CEP85L: variants seen among roughly 807,000 people sequenced by gnomAD.
CEP85L encodes the protein centrosomal protein 85L, also known as centrosomal protein of 85 kDa-like.
A neutral mutation model predicts 100.3 loss-of-function variants in CEP85L; 60 were observed. That is an observed-to-expected ratio of 0.60 (90% CI 0.49 to 0.74). The LOEUF (loss-of-function observed/expected upper bound fraction) is 0.74. CEP85L is among the 30% of genes least tolerant of loss of function. The pLI is 0.00. For synonymous variants in CEP85L, 319 were observed against 322.7 expected, an observed-to-expected ratio of 0.99 and a Z score of 0.12; for missense variants, 973 against 936.2, an observed-to-expected ratio of 1.04 and a Z score of -0.51.
At chr6:118,707,979 G>A (rs1421466094) in intron 1 of CEP85L, among the ~76,000 whole-genome samples, 3 of 132,874 alleles carry the variant, frequency 2.3e-5, no homozygotes, top group South Asian at 2.6e-4. Flanking sequence ...TTGGGGGGGG[G>A]ACGGGGGGGA....
intron 2 of CEP85L, among the ~76,000 whole-genome samples, chr6:118,588,307 T>C (rs1780982043): frequency 6.6e-6 from 1 of 152,132 alleles, no homozygotes; most frequent in Admixed American, 6.6e-5. Flanking sequence ...CCTTGAAAGA[T>C]CAATACTTAA....
intron 3 of CEP85L, among the ~76,000 whole-genome samples, chr6:118,555,762 G>A (rs1042482194): frequency 6.6e-6 from 1 of 152,016 alleles, no homozygotes; most frequent in African/African-American, 2.4e-5. Flanking sequence ...CCGTTATTAA[G>A]CCCAGTACCC....
At chr6:118,554,639 A>C (rs114513201) in intron 3 of CEP85L, among the ~76,000 whole-genome samples, 1,829 of 152,316 alleles carry the variant, frequency 0.012, 29 homozygotes, top group African/African-American at 0.042. Context: ...ATTGTGCTAT[A>C]ATCTGACAGA....
chr6:118,645,779 T>TCCC (rs962133093), intron 1 of CEP85L, among the ~76,000 whole-genome samples: 1 of 152,178 alleles, frequency 6.6e-6, no homozygotes, highest in Non-Finnish European at 1.5e-5. Flanking sequence ...CAATGATGTA[T>TCCC]CCCCAGAGGC....
At chr6:118,580,030 GT>G (rs963671457) in intron 2 of CEP85L, among the ~76,000 whole-genome samples, 2 of 152,126 alleles carry the variant, frequency 1.3e-5, no homozygotes, top group African/African-American at 4.8e-5. Context: ...CCAGATTTTT[GT>G]GGGCTACATG....
intron 2 of CEP85L, among the ~76,000 whole-genome samples, chr6:118,617,648 C>A (rs929603979): frequency 7.9e-5 from 12 of 152,182 alleles, no homozygotes; most frequent in African/African-American, 2.9e-4. Flanking sequence ...CATTCGGGAC[C>A]CCTTCCATGC....
chr6:118,695,339 C>A (rs1019277921), intron 1 of CEP85L, among the ~76,000 whole-genome samples: 1 of 152,122 alleles, frequency 6.6e-6, no homozygotes, highest in Admixed American at 6.5e-5. Context: ...AATGAGTCAC[C>A]AACTCCTACT....
rs59278037 is a variant in CEP85L at position 118,600,300 on chromosome 6, G to GGTGTGTGTGTGT, written c.232+32141_232+32152dup. On this transcript the variant is annotated intron_variant, in intron 2 of 12. Transcript: ENST00000368491. ...CTGCCTGTCCCTGAGCCTTCCTGGG[G>GGTGTGTGTGTGT]GTGTGTGTGTGTGTGTGTGTGTGTG... 3.1e-3 allele frequency among the ~76,000 whole-genome samples: 160 copies of GGTGTGTGTGTGT among 52,230 alleles called. 19 individuals are homozygous for GGTGTGTGTGTGT. The highest frequency in any genetic ancestry group is 0.011 in the East Asian group (19 of 1,680). The allele number at this position is 52,230 out of a possible 152,430, so 34.3% of individuals were successfully genotyped here.
At chr6:118,484,783 T>A (rs912233899) in intron 6 of CEP85L, among the ~76,000 whole-genome samples, 2 of 152,160 alleles carry the variant, frequency 1.3e-5, no homozygotes, top group Non-Finnish European at 2.9e-5. Flanking sequence ...TTAACAGACT[T>A]GCAGAGAAAT....
chr6:118,623,137 T>C lies in CEP85L; in HGVS notation c.232+9316A>G, dbSNP rs144619281. Among the ~76,000 whole-genome samples the C allele has an allele frequency of 5.3e-5, 8 of 152,264 alleles. No individual in the cohort carries two copies. In the South Asian group the frequency reaches 1.5e-3, roughly 28 times the overall value. On this transcript the variant is annotated intron_variant, in intron 2 of 12. Coordinates refer to ENST00000368491, the MANE Select transcript of CEP85L (RefSeq NM_001042475.3). ...TACCCGTAAGATGGCCAAATCCCTA[T>C]TTACAGGGCCAAACCTTCTCCAAAC...
At chr6:118,642,052 A>G (rs767828304) in intron 1 of CEP85L, among the ~76,000 whole-genome samples, 1 of 152,222 alleles carries the variant, frequency 6.6e-6, no homozygotes, top group Non-Finnish European at 1.5e-5. Flanking sequence ...ACTAAAAAAA[A>G]GGATGCCAAT....
At chr6:118,695,776 C>A (rs181518385) in intron 1 of CEP85L, among the ~76,000 whole-genome samples, 2 of 152,232 alleles carry the variant, frequency 1.3e-5, no homozygotes, top group African/African-American at 4.8e-5. Flanking sequence ...GTAATGTGTA[C>A]AAGATACCAT....
intron 5 of CEP85L, among the ~76,000 whole-genome samples, chr6:118,504,948 T>C (rs1775548421): frequency 6.6e-6 from 1 of 152,024 alleles, no homozygotes; most frequent in Admixed American, 6.6e-5. Flanking sequence ...GAAAAATGCA[T>C]CTTTGGTTTT....
chr6:118,471,909 G>A (rs1772986120), intron 10 of CEP85L, among the ~76,000 whole-genome samples: 1 of 151,668 alleles, frequency 6.6e-6, no homozygotes, highest in South Asian at 2.1e-4. Flanking sequence ...CCTAGCTGAA[G>A]ATCTATCCTT....
chr6:118,601,232 A>C (rs1781772190), intron 2 of CEP85L, among the ~76,000 whole-genome samples: 1 of 152,232 alleles, frequency 6.6e-6, no homozygotes, highest in Non-Finnish European at 1.5e-5. Context: ...CCTAAAACAT[A>C]GTAACAGCTA....
intron 5 of CEP85L, among the ~76,000 whole-genome samples, chr6:118,499,089 T>C (rs965244360): frequency 1.1e-4 from 17 of 152,276 alleles, no homozygotes; most frequent in Middle Eastern, 6.8e-3. Context: ...TCAAAATTTG[T>C]GGTATCCAGT....
intron 3 of CEP85L, among the ~76,000 whole-genome samples, chr6:118,555,843 T>TC (rs1423198351): frequency 6.7e-6 from 1 of 149,246 alleles, no homozygotes; most frequent in Non-Finnish European, 1.5e-5. Flanking sequence ...GTTGTTTCCT[T>TC]CTTTGTGTTC....
chr6:118,578,324 C>T (rs888600374), intron 2 of CEP85L, among the ~76,000 whole-genome samples: 11 of 152,210 alleles, frequency 7.2e-5, no homozygotes, highest in African/African-American at 2.4e-4. Flanking sequence ...TAGCAAACTG[C>T]GTGTTCACCA....
At chr6:118,636,758 C>T (rs907160661) in intron 1 of CEP85L, among the ~76,000 whole-genome samples, 23 of 152,196 alleles carry the variant, frequency 1.5e-4, no homozygotes, top group Admixed American at 6.5e-4. Flanking sequence ...TTCCTACCTT[C>T]AAGCTTGAAC....
Sources: gnomAD v4.1 joint callset for allele counts (sites outside exome capture counted in the v4.1 genomes callset) on GRCh38, gnomAD v4.1.1 for gene constraint, MANE v1.5 for transcripts, NCBI Gene and HGNC (gene_info 2026-07-23, HGNC 2026-07-21) for gene names.